AFG1L: variants seen among roughly 807,000 people sequenced by gnomAD.
AFG1L encodes AFG1-like ATPase.
Under a neutral mutation model 62.2 loss-of-function variants are expected in AFG1L, and 53 were observed. That is an observed-to-expected ratio of 0.85 (90% CI 0.68 to 1.07). The LOEUF (loss-of-function observed/expected upper bound fraction) is 1.07. Ranked by LOEUF, AFG1L falls within the 50% of genes least tolerant of loss-of-function variation. The pLI is 0.00. For missense variants in AFG1L, 555 were observed against 590.5 expected (o/e 0.94, Z 0.62); for synonymous variants, 228 against 210.3 (o/e 1.08, Z -0.73).
intron 5 of AFG1L, among the ~76,000 whole-genome samples, chr6:108,360,557 A>G (rs1228995559): frequency 1.3e-5 from 2 of 152,212 alleles, no homozygotes; most frequent in African/African-American, 4.8e-5. Flanking sequence ...AAAAATGTTA[A>G]TAGTCTTGCT....
intron 6 of AFG1L, among the ~76,000 whole-genome samples, chr6:108,400,431 G>A (rs1016005081): frequency 3.2e-4 from 48 of 150,188 alleles, no homozygotes; most frequent in Admixed American, 5.4e-4. Context: ...TAATTTTTCG[G>A]CATCAATTGA....
At chr6:108,430,035 C>A (rs1390210615) in intron 7 of AFG1L, among the ~76,000 whole-genome samples, 4 of 152,052 alleles carry the variant, frequency 2.6e-5, no homozygotes, top group African/African-American at 9.7e-5. Flanking sequence ...GCAACCTCCA[C>A]CTCCTGGGTT....
chr6:108,324,114 A>T (rs544957883), intron 2 of AFG1L, 66 bp downstream of exon 2: 1 of 1,129,594 alleles, frequency 8.9e-7, no homozygotes, highest in African/African-American at 1.6e-5. Flanking sequence ...AATGGATGCA[A>T]TGCAGTAGGA....
intron 6 of AFG1L, among the ~76,000 whole-genome samples, chr6:108,382,634 A>G (rs902497345): frequency 6.6e-6 from 1 of 152,210 alleles, no homozygotes; most frequent in African/African-American, 2.4e-5. Context: ...GTTCCTTAAT[A>G]TGAATACCAA....
At chr6:108,471,507 CTGGAGTGCAG>C (rs1377295017) in intron 8 of AFG1L, among the ~76,000 whole-genome samples, 1 of 131,200 alleles carries the variant, frequency 7.6e-6, no homozygotes, top group Non-Finnish European at 1.5e-5. Context: ...GTTGCCCAGG[CTGGAGTGCAG>C]TGGCATGATC....
chr6:108,437,987 TC>T (rs1012000004), intron 7 of AFG1L, among the ~76,000 whole-genome samples: 1 of 152,224 alleles, frequency 6.6e-6, no homozygotes, highest in African/African-American at 2.4e-5. Context: ...TGAGATGTTT[TC>T]TTTTGGCTGT....
chr6:108,376,050 G>A (rs927592315), intron 6 of AFG1L, among the ~76,000 whole-genome samples: 2 of 152,082 alleles, frequency 1.3e-5, no homozygotes, highest in Non-Finnish European at 2.9e-5. Context: ...GAGATTGTAT[G>A]TTTCCAGGAA....
At chr6:108,332,965 A>G (rs1778332486) in intron 2 of AFG1L, among the ~76,000 whole-genome samples, 1 of 152,226 alleles carries the variant, frequency 6.6e-6, no homozygotes, top group South Asian at 2.1e-4. Context: ...TGTCCTGTAA[A>G]TTAAAAAGAA....
chr6:108,406,626 T>C (rs546834678), intron 7 of AFG1L, among the ~76,000 whole-genome samples: 19 of 152,106 alleles, frequency 1.2e-4, no homozygotes, highest in African/African-American at 4.6e-4. Flanking sequence ...TTGGTAGAGA[T>C]GGGGTTTCAC....
chr6:108,324,131 C>A, intron 2 of AFG1L, 83 bp downstream of exon 2: 1 of 970,960 alleles, frequency 1.0e-6, no homozygotes, highest in Non-Finnish European at 1.5e-6. Context: ...AGGACACAAT[C>A]ATGAAACATC....
chr6:108,378,750 G>A (rs1429775733), intron 6 of AFG1L, among the ~76,000 whole-genome samples: 2 of 151,978 alleles, frequency 1.3e-5, no homozygotes, highest in South Asian at 4.2e-4. Flanking sequence ...TCTTGTGCTG[G>A]TTCCTTCTCA....
At chr6:108,420,386 T>TAAATAAAAATATATTTTTATTTTATTAAA (rs1199797030) in intron 7 of AFG1L, among the ~76,000 whole-genome samples, 2 of 148,250 alleles carry the variant, frequency 1.3e-5, no homozygotes, top group South Asian at 2.1e-4. Flanking sequence ...TTTATTAAAT[T>TAAATAAAAATATATTTTTATTTTATTAAA]AAATAAAAAT....
intron 1 of AFG1L, among the ~76,000 whole-genome samples, chr6:108,296,517 A>G (rs983171849): frequency 1.7e-4 from 26 of 152,298 alleles, no homozygotes; most frequent in African/African-American, 6.3e-4. Context: ...TCTTCCAGAT[A>G]TATTCTGTGT....
At chr6:108,431,773 G>A (rs1011321413) in intron 7 of AFG1L, among the ~76,000 whole-genome samples, 7 of 149,590 alleles carry the variant, frequency 4.7e-5, no homozygotes, top group African/African-American at 9.8e-5. Flanking sequence ...TAGTAGAGAC[G>A]GGGTTTCACC....
At chr6:108,361,164 A>G (rs1779511837) in intron 5 of AFG1L, among the ~76,000 whole-genome samples, 1 of 152,250 alleles carries the variant, frequency 6.6e-6, no homozygotes, top group Non-Finnish European at 1.5e-5. Flanking sequence ...TTATACTGGC[A>G]TATGCCTTTG....
chr6:108,480,658 C>T (rs1319599520), intron 10 of AFG1L, among the ~76,000 whole-genome samples: 2 of 151,970 alleles, frequency 1.3e-5, no homozygotes, highest in Non-Finnish European at 2.9e-5. Context: ...ATTAGCCGGG[C>T]GTGGTGGCAA....
rs540719049 is a variant in AFG1L at position 108,340,523 on chromosome 6, G to A, written c.364-6465G>A. Among the ~76,000 whole-genome samples, 26 of 152,042 alleles carry A rather than the reference G, an allele frequency of 1.7e-4. No homozygotes were observed. In the South Asian group the frequency reaches 5.4e-3, roughly 32 times the overall value. ...GGGATTACAGGCGTGTGCCACCACA[G>A]CCAGCTAATATTTGTATTTTTAGTA... On this transcript the variant is annotated intron_variant, in intron 2 of 12. Coordinates refer to ENST00000368977, the MANE Select transcript of AFG1L (RefSeq NM_145315.5).
intron 6 of AFG1L, among the ~76,000 whole-genome samples, chr6:108,390,086 C>CT (rs1780979451): frequency 6.6e-6 from 1 of 152,232 alleles, no homozygotes; most frequent in Non-Finnish European, 1.5e-5. Flanking sequence ...TCTTTTTACT[C>CT]TTTTTTCTCT....
Position 108,403,788 on chromosome 6 carries a change from CT to C in AFG1L, c.807+1746del, listed in dbSNP as rs906943669. 5.0e-3 allele frequency among the ~76,000 whole-genome samples: 721 copies of C among 143,644 alleles called. 6 individuals carry two copies. The highest frequency in any genetic ancestry group is 0.015 in the African/African-American group (608 of 39,424). The allele number at this position is 143,644 out of a possible 152,430, so 94.2% of individuals were successfully genotyped here. ...CTGAGGGAACAACTTTGTAGCTGTA[CT>C]TTTTTTTTTTTCCTCCAAATATTTT... is the stretch of plus-strand genomic sequence containing the variant. On this transcript the variant is annotated intron_variant, in intron 7 of 12. Transcript: ENST00000368977.
Sources: allele counts gnomAD v4.1 joint callset (sites outside exome capture counted in the v4.1 genomes callset), GRCh38; gene constraint gnomAD v4.1.1; transcripts MANE v1.5; gene names NCBI Gene and HGNC (gene_info 2026-07-23, HGNC 2026-07-21).